Variants in CRTC3 observed in about 807,000 individuals in gnomAD.
CRTC3 encodes CREB regulated transcription coactivator 3, also known as CREB-regulated transcription coactivator 3.
Under a neutral mutation model 74.5 loss-of-function variants are expected in CRTC3, and 26 were observed. The ratio of observed to expected loss-of-function variants is 0.35; its 90% CI spans 0.26 to 0.48. The LOEUF is 0.48. Ranked by LOEUF, CRTC3 falls within the 20% of genes least tolerant of loss-of-function variation. CRTC3 has a pLI of 0.99. For synonymous variants in CRTC3, 377 were observed against 325.8 expected (o/e 1.16, Z -1.69); for missense variants, 760 against 787.3 (o/e 0.97, Z 0.41).
intron 11 of CRTC3, among the ~76,000 whole-genome samples, chr15:90,630,753 A>T (rs1378331953): frequency 2.1e-5 from 2 of 93,406 alleles, no homozygotes; most frequent in Non-Finnish European, 4.5e-5. Flanking sequence ...CTATTACAGC[A>T]TCATTTTTTT....
chr15:90,530,056 GC>G lies in CRTC3; in HGVS notation c.-15del, dbSNP rs1430688747. The G allele has an allele frequency of 7.1e-7, 1 of 1,412,278 alleles. No individual in the cohort carries two copies. Among genetic ancestry groups the G allele is most frequent in the Admixed American group, 2.2e-5 (1 of 44,474 alleles). The allele number at this position is 1,412,278 out of a possible 1,614,324, so 87.5% of individuals were successfully genotyped here. A position where few individuals can be genotyped will look rare whatever the true frequency, so the allele number is the denominator to read the frequency against. ...CGGCCGCCGTCTCCCGCTTCTGCCC[GC>G]GCAGAGTCCGCGCCATGGCCGCCTC... On this transcript the variant is annotated 5_prime_UTR_variant, in exon 1 of 15. Coordinates refer to ENST00000268184, the MANE Select transcript of CRTC3 (RefSeq NM_022769.5). This position sits in a 1 kb window ranked among gnomAD's most constrained non-coding sequence, Gnocchi z 6.2.
intron 2 of CRTC3, among the ~76,000 whole-genome samples, chr15:90,561,871 C>A (rs906166649): frequency 2.0e-5 from 3 of 152,100 alleles, no homozygotes; most frequent in African/African-American, 7.2e-5. Flanking sequence ...TAAAATGAAG[C>A]TTTAGTTGTT....
Position 90,644,206 on chromosome 15 carries a change from A to G in CRTC3, c.*2066A>G, listed in dbSNP as rs1969549073. The G allele has an allele frequency of 4.4e-6, 1 of 228,224 alleles. No individual in the cohort carries two copies. The highest frequency in any genetic ancestry group is 5.7e-5 in the Admixed American group (1 of 17,560). 14.1% of individuals were successfully genotyped at this position (228,224 alleles called of 1,614,324 possible). On this transcript the variant is annotated 3_prime_UTR_variant, in exon 15 of 15. Coordinates refer to ENST00000268184, the MANE Select transcript of CRTC3 (RefSeq NM_022769.5). ...TACACTTTCAGATCCCTTTGTGCTC[A>G]AGATCTCAGAGGGGGTGGCTTTTTG...
At chr15:90,641,525 G>A (rs1273434137) in intron 14 of CRTC3, among the ~76,000 whole-genome samples, 2 of 151,926 alleles carry the variant, frequency 1.3e-5, no homozygotes, top group African/African-American at 2.4e-5. Context: ...GCGAAACCCC[G>A]TCTCTACTAA....
chr15:90,630,280 C>A (rs1968989689), intron 11 of CRTC3, among the ~76,000 whole-genome samples: 1 of 152,180 alleles, frequency 6.6e-6, no homozygotes, highest in East Asian at 1.9e-4. Flanking sequence ...ACATTTAATA[C>A]CTTCCTGAAG....
chr15:90,540,386 A>G (rs2151056266), intron 2 of CRTC3, among the ~76,000 whole-genome samples: 1 of 152,364 alleles, frequency 6.6e-6, no homozygotes, highest in Admixed American at 6.5e-5. Context: ...ATGTTCTAGT[A>G]GCTACATTAA....
intron 6 of CRTC3, among the ~76,000 whole-genome samples, chr15:90,610,920 T>C (rs1162561370): frequency 6.6e-6 from 1 of 152,152 alleles, no homozygotes; most frequent in East Asian, 1.9e-4. Flanking sequence ...AATATTGCCA[T>C]CTTTGGGGAC....
At chr15:90,548,584 A>G (rs978651955) in intron 2 of CRTC3, among the ~76,000 whole-genome samples, 4 of 152,130 alleles carry the variant, frequency 2.6e-5, no homozygotes, top group Non-Finnish European at 5.9e-5. Flanking sequence ...CTTTAAAGGA[A>G]AAAAAAAGAT....
At chr15:90,583,357 A>G (rs541237925) in intron 2 of CRTC3, among the ~76,000 whole-genome samples, 1 of 152,320 alleles carries the variant, frequency 6.6e-6, no homozygotes, top group South Asian at 2.1e-4. Flanking sequence ...CACAAGGGCC[A>G]CAGACATGGT....
chr15:90,571,797 C>CGT (rs1294319430), intron 2 of CRTC3, among the ~76,000 whole-genome samples: 1 of 151,980 alleles, frequency 6.6e-6, no homozygotes, highest in Non-Finnish European at 1.5e-5. Context: ...TATATGCAAG[C>CGT]GTGTGTGTGT....
At chr15:90,612,925 G>A (rs148109453) in intron 6 of CRTC3, among the ~76,000 whole-genome samples, 4 of 152,244 alleles carry the variant, frequency 2.6e-5, no homozygotes, top group East Asian at 1.9e-4. Flanking sequence ...TAGGCTGGGC[G>A]TGGTGGCTCA....
intron 2 of CRTC3, among the ~76,000 whole-genome samples, chr15:90,583,968 A>G (rs1007125990): frequency 6.6e-6 from 1 of 152,124 alleles, no homozygotes; most frequent in Non-Finnish European, 1.5e-5. Context: ...GTGTGAATTA[A>G]TAGCAGCCCC....
chr15:90,588,407 C>G (rs998966340), intron 2 of CRTC3, among the ~76,000 whole-genome samples: 4 of 150,588 alleles, frequency 2.7e-5, no homozygotes, highest in Non-Finnish European at 2.9e-5. Flanking sequence ...TATTACTTGT[C>G]CGTGGTGCTG....
rs1359041342 is a variant in CRTC3 at position 90,603,979 on chromosome 15, C to T, written c.414-406C>T. Among the ~76,000 whole-genome samples the T allele has an allele frequency of 3.3e-5, 5 of 152,238 alleles. No individual in the cohort carries two copies. In the East Asian group the frequency reaches 9.6e-4, roughly 29 times the overall value. ...GAAATGTCTTCTGCTTTTCAGAGCACCAGGACTGGTTAGACTTAATATTTT... is the reference window on the plus strand; with the variant it reads ...GAAATGTCTTCTGCTTTTCAGAGCATCAGGACTGGTTAGACTTAATATTTT... On this transcript the variant is annotated intron_variant, in intron 4 of 14. Coordinates refer to ENST00000268184, the MANE Select transcript of CRTC3 (RefSeq NM_022769.5).
In CRTC3 at chr15:90,641,685, C is replaced by CA. The variant is rs11294553; in HGVS notation, c.1652-234dup. Among the ~76,000 whole-genome samples, 334 of 132,764 alleles carry CA rather than the reference C, an allele frequency of 2.5e-3. 1 individual carries two copies. Among genetic ancestry groups the CA allele is most frequent in the East Asian group, 0.019 (89 of 4,686 alleles). 87.1% of individuals were successfully genotyped at this position (132,764 alleles called of 152,430 possible). The stretch of plus-strand genomic sequence containing the variant: ...GTACTCCAGCCTGGGCAACAGTCTC[C>CA]AAAAAAAAAAAAAGATTTCATCTTA... On this transcript the variant is annotated intron_variant, in intron 14 of 14. Coordinates refer to ENST00000268184, the MANE Select transcript of CRTC3 (RefSeq NM_022769.5).
chr15:90,601,872 C>T (rs1968079214), intron 3 of CRTC3, among the ~76,000 whole-genome samples: 2 of 152,128 alleles, frequency 1.3e-5, no homozygotes, highest in African/African-American at 4.8e-5. Context: ...GGCTTACCAG[C>T]CCTATTGGGG....
Position 90,616,157 on chromosome 15 carries a change from A to G in CRTC3, c.613+1669A>G, listed in dbSNP as rs373050245. On this transcript the variant is annotated intron_variant, in intron 7 of 14. Coordinates refer to ENST00000268184, the MANE Select transcript of CRTC3 (RefSeq NM_022769.5). ...AAAGAGAATCAACAAGGATGTTGAC[A>G]AAATACGCTCTTCAAAAGAGAGTGA... 6.6e-5 allele frequency among the ~76,000 whole-genome samples: 10 copies of G among 152,206 alleles called. No individual in the cohort carries two copies. The East Asian group carries it at 1.9e-3, about 29-fold the overall frequency.
chr15:90,568,048 G>A (rs970543718), intron 2 of CRTC3, among the ~76,000 whole-genome samples: 1 of 152,198 alleles, frequency 6.6e-6, no homozygotes, highest in African/African-American at 2.4e-5. Context: ...TTTAGATGAA[G>A]TTGCTTCTAA....
chr15:90,575,016 AT>A (rs11326628), intron 2 of CRTC3, among the ~76,000 whole-genome samples: 12,029 of 151,926 alleles, frequency 0.079, 562 homozygotes, highest in Middle Eastern at 0.15. Flanking sequence ...TTATACTGAA[AT>A]TTTTTTTCTA....
Sources: gnomAD v4.1 joint callset for allele counts (sites outside exome capture counted in the v4.1 genomes callset) on GRCh38, gnomAD v4.1.1 for gene constraint, Gnocchi (gnomAD v3.1) non-coding constraint, MANE v1.5 for transcripts, NCBI Gene and HGNC (gene_info 2026-07-23, HGNC 2026-07-21) for gene names.